KATNIP: variants seen among roughly 807,000 people sequenced by gnomAD.
The protein encoded by KATNIP is katanin interacting protein.
A neutral mutation model predicts 174.0 loss-of-function variants in KATNIP; 126 were observed. The observed-to-expected ratio is 0.72, with a 90% CI of 0.63 to 0.84. The LOEUF (loss-of-function observed/expected upper bound fraction) is 0.84. Among genes scored for constraint, KATNIP ranks in the 40% least tolerant of loss-of-function variants. The pLI, the probability that KATNIP is intolerant of heterozygous loss-of-function variation, is 0.00. For synonymous variants in KATNIP, 810 were observed against 835.7 expected, an observed-to-expected ratio of 0.97 and a Z score of 0.53; for missense variants, 1,958 against 2,109.7, an observed-to-expected ratio of 0.93 and a Z score of 1.41.
chr16:27,770,103 A>G, intron 21 of KATNIP, 85 bp downstream of exon 21: 6 of 1,448,556 alleles, frequency 4.1e-6, no homozygotes, highest in Non-Finnish European at 5.7e-6. Flanking sequence ...TACATTCCGA[A>G]AGGGTTTTGA....
At chr16:27,593,155 C>A (rs1311777602) in intron 2 of KATNIP, among the ~76,000 whole-genome samples, 1 of 152,112 alleles carries the variant, frequency 6.6e-6, no homozygotes, top group Non-Finnish European at 1.5e-5. Context: ...AAAATGGTTC[C>A]CACCAATGAC....
chr16:27,607,372 T>A (rs2075741580), intron 2 of KATNIP, among the ~76,000 whole-genome samples: 1 of 152,026 alleles, frequency 6.6e-6, no homozygotes, highest in South Asian at 2.1e-4. Context: ...GGCACAAGGA[T>A]CTTAGAGCAT....
intron 1 of KATNIP, among the ~76,000 whole-genome samples, chr16:27,557,282 C>T (rs1368721105): frequency 1.3e-5 from 2 of 151,950 alleles, no homozygotes; most frequent in African/African-American, 2.4e-5. Context: ...GCTGGGATTA[C>T]AGGCACATGC....
intron 13 of KATNIP, among the ~76,000 whole-genome samples, chr16:27,711,336 A>C (rs1329118811): frequency 1.3e-5 from 2 of 152,072 alleles, no homozygotes; most frequent in African/African-American, 4.8e-5. Flanking sequence ...CCTTTGTGTG[A>C]GTGGTCACTT....
intron 1 of KATNIP, among the ~76,000 whole-genome samples, chr16:27,572,135 G>A (rs1010491642): frequency 6.6e-6 from 1 of 152,020 alleles, no homozygotes; most frequent in African/African-American, 2.4e-5. Context: ...CCCACACTGG[G>A]CTGGGTGTGG....
intron 16 of KATNIP, 135 bp from the exon 17 acceptor site, chr16:27,751,584 A>G (rs2081518868): frequency 1.4e-6 from 1 of 728,064 alleles, no homozygotes; most frequent in Admixed American, 2.5e-5. Flanking sequence ...GAAGACTAAT[A>G]AGGCTCACAC....
At chr16:27,739,463 G>A (rs1282240566) in intron 14 of KATNIP, among the ~76,000 whole-genome samples, 1 of 152,090 alleles carries the variant, frequency 6.6e-6, no homozygotes, top group Non-Finnish European at 1.5e-5. Flanking sequence ...ATTTCCTCTT[G>A]GAATCACCTG....
intron 6 of KATNIP, among the ~76,000 whole-genome samples, chr16:27,654,411 G>C (rs138018829): frequency 6.6e-6 from 1 of 152,324 alleles, no homozygotes; most frequent in East Asian, 1.9e-4. Flanking sequence ...CTGGTCCATT[G>C]ACTGGCTGTG....
chr16:27,772,467 G>A (rs571809614), intron 22 of KATNIP, among the ~76,000 whole-genome samples: 49 of 152,322 alleles, frequency 3.2e-4, no homozygotes, highest in African/African-American at 1.0e-3. Context: ...AGAGCCACCC[G>A]GCCTGCTCCT....
chr16:27,609,727 C>T (rs1483138785), intron 2 of KATNIP, among the ~76,000 whole-genome samples: 5 of 146,214 alleles, frequency 3.4e-5, no homozygotes, highest in Non-Finnish European at 7.5e-5. Context: ...GAGTCTTGCT[C>T]TGTTGCCAGG....
intron 8 of KATNIP, among the ~76,000 whole-genome samples, chr16:27,691,983 T>C (rs1280471770): frequency 6.6e-6 from 1 of 152,204 alleles, no homozygotes; most frequent in South Asian, 2.1e-4. Context: ...CAGAGGCCTC[T>C]TGTTCCATCC....
chr16:27,622,315 C>G (rs1407189509), intron 3 of KATNIP, among the ~76,000 whole-genome samples: 4 of 152,030 alleles, frequency 2.6e-5, no homozygotes, highest in Non-Finnish European at 4.4e-5. Context: ...AGACTGGGGG[C>G]AGGGAGTAGG....
At chr16:27,557,025 C>A (rs2089655084) in intron 1 of KATNIP, among the ~76,000 whole-genome samples, 1 of 152,114 alleles carries the variant, frequency 6.6e-6, no homozygotes, top group Non-Finnish European at 1.5e-5. Context: ...CATGATTCAA[C>A]ATTTCAGTGC....
chr16:27,731,674 A>C (rs1349101479), intron 14 of KATNIP, among the ~76,000 whole-genome samples: 1 of 150,928 alleles, frequency 6.6e-6, no homozygotes, highest in Non-Finnish European at 1.5e-5. Context: ...GCTGGAGTAC[A>C]GTGGAGTGAT....
At chr16:27,734,297 G>A (rs2080815808) in intron 14 of KATNIP, among the ~76,000 whole-genome samples, 3 of 151,252 alleles carry the variant, frequency 2.0e-5, no homozygotes, top group Admixed American at 1.3e-4. Flanking sequence ...TCTGCAGAGC[G>A]GTCTCAAATT....
At chr16:27,661,610 C>T (rs1485426058) in intron 6 of KATNIP, among the ~76,000 whole-genome samples, 1 of 151,714 alleles carries the variant, frequency 6.6e-6, no homozygotes, top group Non-Finnish European at 1.5e-5. Flanking sequence ...CCAGGCTGGT[C>T]TCGAACTCCT....
intron 11 of KATNIP, 110 bp from the exon 12 acceptor site, chr16:27,703,786 C>A (rs181112288): frequency 7.2e-6 from 6 of 834,956 alleles, no homozygotes; most frequent in Middle Eastern, 2.2e-4. Flanking sequence ...AGAGTGCATA[C>A]TTCCCCTTCA....
intron 11 of KATNIP, among the ~76,000 whole-genome samples, chr16:27,702,133 C>G (rs1597217590): frequency 6.6e-6 from 1 of 152,220 alleles, no homozygotes; most frequent in East Asian, 1.9e-4. Flanking sequence ...CCCACCAGCC[C>G]TAAAGCTCTC....
intron 5 of KATNIP, among the ~76,000 whole-genome samples, chr16:27,638,835 ATTTTT>A (rs35773237): frequency 3.6e-5 from 4 of 110,810 alleles, no homozygotes; most frequent in Non-Finnish European, 7.0e-5. Flanking sequence ...GTCTTGCTGG[ATTTTT>A]TTTTTTTTTT....
Sources: allele counts gnomAD v4.1 joint callset (sites outside exome capture counted in the v4.1 genomes callset), GRCh38; gene constraint gnomAD v4.1.1; transcripts MANE v1.5; gene names NCBI Gene and HGNC (gene_info 2026-07-23, HGNC 2026-07-21).